The following KIF16B variants were observed in gnomAD, a reference collection of about 807,000 sequenced individuals.
The protein encoded by KIF16B is kinesin family member 16B, also known as kinesin-like protein KIF16B.
KIF16B carries 98 observed loss-of-function variants against 156.3 expected under a neutral mutation model. The observed-to-expected ratio is 0.63, with a 90% confidence interval of 0.53 to 0.74. KIF16B has a LOEUF of 0.74. Among genes scored for constraint, KIF16B ranks in the 30% least tolerant of loss-of-function variants. The probability of loss-of-function intolerance (pLI) is 0.00; values close to 1 mark genes in which losing one functional copy is unlikely to be tolerated. For missense variants in KIF16B, 1,421 were observed against 1,606.5 expected, an observed-to-expected ratio of 0.88 and a Z score of 1.97; for synonymous variants, 564 against 583.7, an observed-to-expected ratio of 0.97 and a Z score of 0.49.
At chr20:16,386,486 G>A (rs1239594586) in intron 17 of KIF16B, among the ~76,000 whole-genome samples, 3 of 152,004 alleles carry the variant, frequency 2.0e-5, no homozygotes, top group Non-Finnish European at 4.4e-5. Flanking sequence ...GTGAGTGAGA[G>A]GAACCTGGAG....
intron 15 of KIF16B, among the ~76,000 whole-genome samples, chr20:16,419,460 G>A (rs1432312967): frequency 6.6e-6 from 1 of 152,120 alleles, no homozygotes; most frequent in East Asian, 1.9e-4. Context: ...CCCTCCAGCA[G>A]ATGAAAATTT....
At chr20:16,562,688 G>C (rs192490551) in intron 1 of KIF16B, among the ~76,000 whole-genome samples, 3 of 152,346 alleles carry the variant, frequency 2.0e-5, no homozygotes, top group Non-Finnish European at 2.9e-5. Context: ...CTGGCTCTCA[G>C]AGAGTTTAAG....
In KIF16B at chr20:16,379,044, C is replaced by T; in HGVS notation, c.2958G>A (p.Val986=). ...CCAAAATCTCCTTTTCCTTTTTCCTCACTTTTTCCTCCTGACGTGCAATGT... is the reference window on the plus strand; with the variant it reads ...CCAAAATCTCCTTTTCCTTTTTCCTTACTTTTTCCTCCTGACGTGCAATGT... The part of the protein sequence containing the change: ...TANIARQEEK[V]RKKEKEILES... The change falls in exon 19 of 26, where the codon GTG becomes GTA. Residue 986 remains valine, a synonymous_variant. Coordinates refer to ENST00000354981, the MANE Select transcript of KIF16B (RefSeq NM_024704.5). The T allele has an allele frequency of 1.9e-6, 3 of 1,610,396 alleles. No individual in the cohort carries two copies. Among genetic ancestry groups the T allele is most frequent in the South Asian group, 2.2e-5 (2 of 90,360 alleles).
intron 17 of KIF16B, among the ~76,000 whole-genome samples, chr20:16,399,008 T>A (rs1157617093): frequency 6.6e-6 from 1 of 152,182 alleles, no homozygotes; most frequent in Non-Finnish European, 1.5e-5. Context: ...GCCCCTAGTT[T>A]GGCCTAAGAG....
At chr20:16,345,628 G>C (rs1393072657) in intron 23 of KIF16B, among the ~76,000 whole-genome samples, 2 of 152,154 alleles carry the variant, frequency 1.3e-5, no homozygotes, top group Non-Finnish European at 2.9e-5. Context: ...ACAATTTTAG[G>C]GTAGGTAGGT....
intron 23 of KIF16B, among the ~76,000 whole-genome samples, chr20:16,350,728 G>T (rs1439751187): frequency 5.9e-5 from 9 of 151,932 alleles, no homozygotes. Context: ...GAGGAGCTGG[G>T]TGGGGGCGGG....
chr20:16,370,576 C>T lies in KIF16B; in HGVS notation c.3498+10G>A, dbSNP rs375288539. 31 of 1,569,860 alleles carry T rather than the reference C, an allele frequency of 2.0e-5. No homozygotes were observed. In the African/African-American group the frequency reaches 4.2e-4, roughly 21 times the overall value. Reference sequence around the variant, plus strand: ...AGGCGACCCTATCAATCTGAAAAATCATTACCTACCTCATATTTTAGTTTA... The same window carrying T: ...AGGCGACCCTATCAATCTGAAAAATTATTACCTACCTCATATTTTAGTTTA... On this transcript the variant is annotated intron_variant, in intron 22 of 25. Transcript: ENST00000354981.
chr20:16,356,720 T>C (rs2064450475), intron 22 of KIF16B, among the ~76,000 whole-genome samples: 1 of 152,224 alleles, frequency 6.6e-6, no homozygotes, highest in Admixed American at 6.5e-5. Context: ...TTCCTTCCAA[T>C]TTATAAGAAC....
chr20:16,372,829 C>G (rs1013872456), intron 20 of KIF16B, among the ~76,000 whole-genome samples: 2 of 152,192 alleles, frequency 1.3e-5, no homozygotes, highest in Non-Finnish European at 2.9e-5. Flanking sequence ...TCCCAGGTAG[C>G]TGGGATTACA....
intron 1 of KIF16B, among the ~76,000 whole-genome samples, chr20:16,529,222 A>C (rs1336156613): frequency 3.3e-5 from 5 of 152,246 alleles, no homozygotes; most frequent in African/African-American, 4.8e-5. Context: ...GGGGCAGACA[A>C]GGGAAGTGGA....
At chr20:16,570,316 G>C (rs1600721297) in intron 1 of KIF16B, among the ~76,000 whole-genome samples, 1 of 152,094 alleles carries the variant, frequency 6.6e-6, no homozygotes, top group Admixed American at 6.5e-5. Context: ...AAAGTTTATA[G>C]ATTTCCAATT....
chr20:16,436,729 G>A (rs989501804), intron 12 of KIF16B, among the ~76,000 whole-genome samples: 4 of 152,142 alleles, frequency 2.6e-5, no homozygotes, highest in African/African-American at 9.7e-5. Flanking sequence ...CTGCAGGCTT[G>A]TATGTTTGCT....
At chr20:16,435,396 G>A (rs768690805) in intron 12 of KIF16B, among the ~76,000 whole-genome samples, 1 of 152,174 alleles carries the variant, frequency 6.6e-6, no homozygotes, top group African/African-American at 2.4e-5. Flanking sequence ...AAGCTAGTCT[G>A]ACTTTTAGTC....
In KIF16B at chr20:16,273,875, A is replaced by G. The variant is rs141864349; in HGVS notation, c.3796-464T>C. Among the ~76,000 whole-genome samples the G allele has an allele frequency of 1.2e-4, 18 of 152,266 alleles. No individual in the cohort carries two copies. In the East Asian group the frequency reaches 3.3e-3, roughly 28 times the overall value. On this transcript the variant is annotated intron_variant, in intron 25 of 25. Transcript: ENST00000354981. ...GAGAAGACGGAGTCACAAAATACAT[A>G]TGCACAGAAGAAATATCTTTGGCTC...
intron 1 of KIF16B, among the ~76,000 whole-genome samples, chr20:16,529,443 A>G (rs952819184): frequency 1.3e-5 from 2 of 152,238 alleles, no homozygotes; most frequent in African/African-American, 4.8e-5. Flanking sequence ...GTATACTATA[A>G]TGAGATATAT....
intron 12 of KIF16B, among the ~76,000 whole-genome samples, chr20:16,458,771 C>G (rs1007278007): frequency 6.6e-6 from 1 of 152,104 alleles, no homozygotes; most frequent in Non-Finnish European, 1.5e-5. Context: ...TAAACACACA[C>G]ACACACACAT....
chr20:16,390,811 C>T (rs1338087049), intron 17 of KIF16B, among the ~76,000 whole-genome samples: 1 of 152,208 alleles, frequency 6.6e-6, no homozygotes, highest in East Asian at 1.9e-4. Flanking sequence ...ACATATACAA[C>T]AAAACTTGTC....
intron 15 of KIF16B, among the ~76,000 whole-genome samples, chr20:16,415,273 C>T (rs2066059251): frequency 6.6e-6 from 1 of 152,098 alleles, no homozygotes; most frequent in Admixed American, 6.6e-5. Flanking sequence ...CCCAGTAGTC[C>T]ACATTCTTTG....
At chr20:16,335,163 G>C (rs932109057) in intron 24 of KIF16B, among the ~76,000 whole-genome samples, 3 of 152,120 alleles carry the variant, frequency 2.0e-5, no homozygotes, top group Non-Finnish European at 2.9e-5. Flanking sequence ...GTGAAAGCAG[G>C]CTAGTTAGAC....
Sources: allele counts gnomAD v4.1 joint callset (sites outside exome capture counted in the v4.1 genomes callset), GRCh38; gene constraint gnomAD v4.1.1; transcripts MANE v1.5; gene names NCBI Gene and HGNC (gene_info 2026-07-23, HGNC 2026-07-21).